Variants in SLC5A8 observed in about 807,000 individuals in gnomAD.
SLC5A8 encodes sodium-coupled monocarboxylate transporter 1.
Under a neutral mutation model 71.9 loss-of-function variants are expected in SLC5A8, and 55 were observed. The observed-to-expected ratio is 0.77, with a 90% CI of 0.62 to 0.96. SLC5A8 has a LOEUF of 0.96. Ranked by LOEUF, SLC5A8 falls within the 40% of genes least tolerant of loss-of-function variation. The pLI is 0.00. For synonymous variants in SLC5A8, 307 were observed against 276.1 expected, an observed-to-expected ratio of 1.11 and a Z score of -1.11; for missense variants, 701 against 745.3, an observed-to-expected ratio of 0.94 and a Z score of 0.69.
chr12:101,163,672 A>C (rs1448957909), intron 12 of SLC5A8, among the ~76,000 whole-genome samples: 1 of 152,226 alleles, frequency 6.6e-6, no homozygotes, highest in Non-Finnish European at 1.5e-5. Context: ...CAAAAACAAA[A>C]ACAAAACAAT....
At chr12:101,206,905 T>G (rs952998290) in intron 1 of SLC5A8, among the ~76,000 whole-genome samples, 1 of 152,084 alleles carries the variant, frequency 6.6e-6, no homozygotes, top group African/African-American at 2.4e-5. Flanking sequence ...TTGAAGGCAG[T>G]GATGGATGAA....
intron 10 of SLC5A8, among the ~76,000 whole-genome samples, chr12:101,173,546 CTT>C (rs910050320): frequency 2.6e-5 from 4 of 152,226 alleles, no homozygotes; most frequent in African/African-American, 9.6e-5. Context: ...GCCCGCGTGA[CTT>C]GGGCATGTTG....
intron 2 of SLC5A8, among the ~76,000 whole-genome samples, chr12:101,204,116 T>C (rs1414062536): frequency 6.6e-6 from 1 of 152,252 alleles, no homozygotes; most frequent in Non-Finnish European, 1.5e-5. Flanking sequence ...ACAGAAATAC[T>C]GTGAACATGC....
chr12:101,194,090 G>T (rs184368371), intron 4 of SLC5A8, among the ~76,000 whole-genome samples: 1 of 152,284 alleles, frequency 6.6e-6, no homozygotes, highest in East Asian at 1.9e-4. Context: ...AAAGTGGAGT[G>T]GTGTCGGGAG....
intron 10 of SLC5A8, 95 bp downstream of exon 10, chr12:101,179,934 G>T (rs1189813209): frequency 1.5e-6 from 2 of 1,290,994 alleles, no homozygotes; most frequent in Non-Finnish European, 1.1e-6. Flanking sequence ...TCCAGGTGTC[G>T]ATATATATCG....
At position 101,169,117 on chromosome 12, in the gene SLC5A8, T is replaced by G. The variant is rs943724491; in HGVS notation, c.1234-935A>C. On this transcript the variant is annotated intron_variant, in intron 10 of 14. Transcript: ENST00000536262. ...TCAAGGATGTGATCCTGAGTCAGTT[T>G]ACACACAGTCCAGTCAGAAGGGAGA... Among the ~76,000 whole-genome samples the G allele has an allele frequency of 3.3e-5, 5 of 152,294 alleles. No homozygotes were observed. The South Asian group carries it at 1.0e-3, about 32-fold the overall frequency.
At chr12:101,177,208 C>T (rs1483946753) in intron 10 of SLC5A8, among the ~76,000 whole-genome samples, 1 of 151,770 alleles carries the variant, frequency 6.6e-6, no homozygotes, top group East Asian at 1.9e-4. Flanking sequence ...CACAATTCAT[C>T]GAATATGAAA....
At chr12:101,192,088 A>G (rs1406978685) in intron 5 of SLC5A8, among the ~76,000 whole-genome samples, 1 of 152,170 alleles carries the variant, frequency 6.6e-6, no homozygotes, top group Non-Finnish European at 1.5e-5. Flanking sequence ...CTGTTCTGGT[A>G]AAAGCAACCC....
chr12:101,207,928 C>A (rs1197129769), intron 1 of SLC5A8, among the ~76,000 whole-genome samples: 1 of 151,996 alleles, frequency 6.6e-6, no homozygotes, highest in Admixed American at 6.6e-5. Flanking sequence ...ACCATGAAAA[C>A]ACAAAGATAA....
Position 101,209,505 on chromosome 12 carries a change from G to T in SLC5A8, c.344C>A (p.Thr115Asn), listed in dbSNP as rs1339840761. 3 of 1,601,482 alleles carry T rather than the reference G, an allele frequency of 1.9e-6. No homozygotes were observed. In the African/African-American group the frequency reaches 4.0e-5, roughly 21 times the overall value. Residue 115 changes from threonine (T) to asparagine (N), a missense_variant, in exon 1 of 15, where the codon ACC (threonine) becomes AAC (asparagine). By Grantham distance (65) the Thr-to-Asn change is moderately conservative. Transcript: ENST00000536262. ...PVFYKLGITS[T>N]YEYLELRFNK... ...GCCCACCCTGCCCCTTACCTCGTAGGTGCTGGTAATTCCCAGTTTGTAGAA... is the reference window on the plus strand; with the variant it reads ...GCCCACCCTGCCCCTTACCTCGTAGTTGCTGGTAATTCCCAGTTTGTAGAA...
intron 14 of SLC5A8, 52 bp downstream of exon 14, chr12:101,158,197 C>A: frequency 2.4e-6 from 3 of 1,233,772 alleles, no homozygotes. Flanking sequence ...AGTGTTCTAT[C>A]CAGGTAATAA....
chr12:101,178,334 G>T (rs1478786755), intron 10 of SLC5A8, among the ~76,000 whole-genome samples: 1 of 152,052 alleles, frequency 6.6e-6, no homozygotes, highest in African/African-American at 2.4e-5. Context: ...AAAAGAACTA[G>T]AATAGCTAAA....
At chr12:101,184,598 A>G (rs1868541254) in intron 7 of SLC5A8, among the ~76,000 whole-genome samples, 1 of 152,250 alleles carries the variant, frequency 6.6e-6, no homozygotes, top group Non-Finnish European at 1.5e-5. Flanking sequence ...AAAACAAAGT[A>G]GTTGCTATTC....
intron 3 of SLC5A8, among the ~76,000 whole-genome samples, chr12:101,201,905 G>A (rs1282241782): frequency 3.3e-5 from 5 of 152,154 alleles, no homozygotes; most frequent in Non-Finnish European, 7.3e-5. Context: ...CTAAAGGAGT[G>A]AATGGGCTGA....
chr12:101,188,316 C>G (rs772881698), intron 6 of SLC5A8, among the ~76,000 whole-genome samples: 14 of 152,134 alleles, frequency 9.2e-5, no homozygotes, highest in Non-Finnish European at 1.6e-4. Context: ...GTTATTGAAT[C>G]CTATGTCTTA....
intron 1 of SLC5A8, among the ~76,000 whole-genome samples, chr12:101,208,700 C>G (rs1367801199): frequency 6.6e-6 from 1 of 152,150 alleles, no homozygotes; most frequent in East Asian, 1.9e-4. Flanking sequence ...GTTTGAGAAC[C>G]TTGCTGCCTA....
chr12:101,165,351 A>G (rs1346250690), intron 12 of SLC5A8, among the ~76,000 whole-genome samples: 1 of 152,200 alleles, frequency 6.6e-6, no homozygotes, highest in South Asian at 2.1e-4. Context: ...AACGCTAAGC[A>G]AAATCATAAA....
chr12:101,180,217 A>C, intron 9 of SLC5A8, 121 bp from the exon 10 acceptor site: 1 of 996,236 alleles, frequency 1.0e-6, no homozygotes, highest in Non-Finnish European at 1.6e-6. Flanking sequence ...AAGAATGGCC[A>C]CACACATCAG....
At chr12:101,171,269 A>G (rs550307459) in intron 10 of SLC5A8, among the ~76,000 whole-genome samples, 1 of 152,280 alleles carries the variant, frequency 6.6e-6, no homozygotes, top group South Asian at 2.1e-4. Context: ...TCTCCTGGAA[A>G]TCTGGTTGGA....
Sources: allele counts gnomAD v4.1 joint callset (sites outside exome capture counted in the v4.1 genomes callset), GRCh38; gene constraint gnomAD v4.1.1; transcripts MANE v1.5; gene names NCBI Gene and HGNC (gene_info 2026-07-23, HGNC 2026-07-21).